Variants in ADAMTSL1 observed in about 807,000 individuals in gnomAD.
ADAMTSL1 encodes the protein ADAMTS-like protein 1.
Under a neutral mutation model 201.8 loss-of-function variants are expected in ADAMTSL1, and 126 were observed. The ratio of observed to expected loss-of-function variants is 0.62; its 90% confidence interval spans 0.54 to 0.72. ADAMTSL1 has a LOEUF of 0.72. ADAMTSL1 is among the 30% of genes least tolerant of loss of function. The pLI, the probability that ADAMTSL1 is intolerant of heterozygous loss-of-function variation, is 0.00. For missense variants in ADAMTSL1, 2,679 were observed against 2,277.8 expected, an observed-to-expected ratio of 1.18 and a Z score of -3.59; for synonymous variants, 1,121 against 903.4, an observed-to-expected ratio of 1.24 and a Z score of -4.32.
chr9:18,823,710 C>G (rs962412103), intron 21 of ADAMTSL1, among the ~76,000 whole-genome samples: 1 of 152,084 alleles, frequency 6.6e-6, no homozygotes, highest in African/African-American at 2.4e-5. Flanking sequence ...GTTTGCAGGG[C>G]CGGCATGGTG....
chr9:18,174,486 T>C (rs1828050269), intron 2 of ADAMTSL1, among the ~76,000 whole-genome samples: 1 of 152,194 alleles, frequency 6.6e-6, no homozygotes, highest in African/African-American at 2.4e-5. Flanking sequence ...AAGTCAGATA[T>C]GTGATACCTA....
intron 1 of ADAMTSL1, among the ~76,000 whole-genome samples, chr9:17,999,878 G>A (rs1819543120): frequency 6.7e-6 from 1 of 149,812 alleles, no homozygotes; most frequent in Admixed American, 6.7e-5. Context: ...TCTTGCGACA[G>A]TTTACTGAGA....
chr9:18,094,661 A>C (rs1316219078), intron 1 of ADAMTSL1, among the ~76,000 whole-genome samples: 1 of 151,744 alleles, frequency 6.6e-6, no homozygotes, highest in Non-Finnish European at 1.5e-5. Flanking sequence ...CCTGGGTTCA[A>C]GTGATTCTCC....
intron 2 of ADAMTSL1, among the ~76,000 whole-genome samples, chr9:18,227,088 G>T (rs915426628): frequency 2.1e-4 from 32 of 152,112 alleles, no homozygotes; most frequent in African/African-American, 7.2e-4. Context: ...TACCTGGAAG[G>T]TATAGCCAGA....
intron 2 of ADAMTSL1, among the ~76,000 whole-genome samples, chr9:18,390,887 A>T (rs1460266874): frequency 3.3e-5 from 5 of 152,114 alleles, no homozygotes; most frequent in African/African-American, 1.2e-4. Flanking sequence ...AAGTCTGTCC[A>T]AAAAAGCCCT....
chr9:18,321,376 C>G (rs1834611415), intron 2 of ADAMTSL1, among the ~76,000 whole-genome samples: 1 of 152,176 alleles, frequency 6.6e-6, no homozygotes, highest in Non-Finnish European at 1.5e-5. Context: ...TTTAAATGCT[C>G]TTTCTTAGTG....
intron 14 of ADAMTSL1, chr9:18,718,033 A>C: frequency 3.2e-6 from 5 of 1,586,004 alleles, no homozygotes; most frequent in Non-Finnish European, 4.3e-6. Flanking sequence ...TTTTTCTGTT[A>C]ATCTGCCGCA....
intron 2 of ADAMTSL1, among the ~76,000 whole-genome samples, chr9:18,518,811 C>A (rs540795722): frequency 2.0e-5 from 3 of 152,256 alleles, no homozygotes; most frequent in Admixed American, 1.3e-4. Flanking sequence ...CGGATTCAAG[C>A]GATTCTCCTG....
rs111456062 is a variant in ADAMTSL1, at chr9:18,543,121, T to A, written c.237+9829T>A. ...ATACTTGATTGGAATTGCTGTATATTCTCAGAATTATATCCCAGGGGACAA... is the reference window on the plus strand; with the variant it reads ...ATACTTGATTGGAATTGCTGTATATACTCAGAATTATATCCCAGGGGACAA... On this transcript the variant is annotated intron_variant, in intron 3 of 28. Coordinates refer to ENST00000380548, the MANE Select transcript of ADAMTSL1 (RefSeq NM_001040272.6). 1.2e-3 allele frequency among the ~76,000 whole-genome samples: 187 copies of A among 152,302 alleles called. 2 individuals are homozygous for A. The highest frequency in any genetic ancestry group is 4.1e-3 in the African/African-American group (170 of 41,566).
At chr9:18,271,996 A>G (rs1049586871) in intron 2 of ADAMTSL1, among the ~76,000 whole-genome samples, 7 of 150,514 alleles carry the variant, frequency 4.7e-5, no homozygotes, top group African/African-American at 1.7e-4. Flanking sequence ...GTCTGTTCAT[A>G]TCCTTCGCCC....
chr9:18,237,442 C>G (rs1830891635), intron 2 of ADAMTSL1, among the ~76,000 whole-genome samples: 1 of 152,286 alleles, frequency 6.6e-6, no homozygotes, highest in Non-Finnish European at 1.5e-5. Flanking sequence ...ATTCCGTGCT[C>G]TCCTGTTTAC....
chr9:18,322,970 G>C (rs1834687104), intron 2 of ADAMTSL1, among the ~76,000 whole-genome samples: 1 of 152,152 alleles, frequency 6.6e-6, no homozygotes, highest in Non-Finnish European at 1.5e-5. Context: ...ATTTAAGGAA[G>C]AGCTAATACC....
intron 20 of ADAMTSL1, among the ~76,000 whole-genome samples, chr9:18,806,226 T>C (rs1428708153): frequency 6.6e-6 from 1 of 152,220 alleles, no homozygotes; most frequent in Non-Finnish European, 1.5e-5. Context: ...TAAAATATGA[T>C]AGTTTATTTC....
intron 3 of ADAMTSL1, among the ~76,000 whole-genome samples, chr9:18,561,411 G>A (rs1427478957): frequency 6.6e-6 from 1 of 152,010 alleles, no homozygotes; most frequent in Non-Finnish European, 1.5e-5. Context: ...TAAGATTTCT[G>A]TTCTTTTGCA....
chr9:18,176,106 A>C (rs895894225), intron 2 of ADAMTSL1, among the ~76,000 whole-genome samples: 1 of 151,818 alleles, frequency 6.6e-6, no homozygotes, highest in African/African-American at 2.4e-5. Flanking sequence ...ACTAGGAAAT[A>C]AGTCTGTGGT....
intron 21 of ADAMTSL1, among the ~76,000 whole-genome samples, chr9:18,823,904 C>T (rs951959148): frequency 3.3e-5 from 5 of 151,980 alleles, no homozygotes; most frequent in Admixed American, 6.6e-5. Flanking sequence ...ACAGGAGAAT[C>T]GCTGGAACCC....
intron 1 of ADAMTSL1, among the ~76,000 whole-genome samples, chr9:18,006,932 T>G (rs190545159): frequency 8.5e-5 from 13 of 152,158 alleles, no homozygotes; most frequent in African/African-American, 2.4e-4. Context: ...TTGTCTAGAT[T>G]TGCTGGAACA....
intron 1 of ADAMTSL1, among the ~76,000 whole-genome samples, chr9:17,986,526 G>T (rs530174083): frequency 6.6e-6 from 1 of 152,224 alleles, no homozygotes; most frequent in South Asian, 2.1e-4. Flanking sequence ...TTGTAAAGAA[G>T]TGTCTTTTCC....
In ADAMTSL1 at chr9:18,507,921, A is replaced by G. The variant is rs568991856; in HGVS notation, c.191+2965A>G. On this transcript the variant is annotated intron_variant, in intron 2 of 28. Transcript: ENST00000380548. ...TCAGTTTGGCCAGGCACAGTGGCTC[A>G]CGCCTGTAATTGCAGCACTTTGGGA... 1.8e-3 allele frequency among the ~76,000 whole-genome samples: 280 copies of G among 152,284 alleles called. 1 individual carries two copies. Among genetic ancestry groups the G allele is most frequent in the African/African-American group, 6.4e-3 (264 of 41,552 alleles).
Sources: allele counts gnomAD v4.1 joint callset (sites outside exome capture counted in the v4.1 genomes callset), GRCh38; gene constraint gnomAD v4.1.1; transcripts MANE v1.5; gene names NCBI Gene and HGNC (gene_info 2026-07-23, HGNC 2026-07-21).